The following TMEM50B variants were observed in gnomAD, a reference collection of about 807,000 sequenced individuals.
TMEM50B encodes the protein transmembrane protein 50B.
In TMEM50B, 14 loss-of-function variants were observed where a neutral mutation model predicts 23.4. That is an observed-to-expected ratio of 0.60 (90% CI 0.39 to 0.93). The LOEUF (loss-of-function observed/expected upper bound fraction) is 0.93, where lower values mean the gene tolerates loss of function less well. TMEM50B is among the 40% of genes least tolerant of loss of function. The pLI is 0.00. For missense variants in TMEM50B, 159 were observed against 193.0 expected (o/e 0.82, Z 1.04); for synonymous variants, 64 against 62.3 (o/e 1.03, Z -0.13).
intron 5 of TMEM50B, among the ~76,000 whole-genome samples, chr21:33,458,144 A>G (rs939083567): frequency 6.6e-6 from 1 of 152,214 alleles, no homozygotes; most frequent in African/African-American, 2.4e-5. Context: ...TTTCTTTAAC[A>G]TAACTATGGA....
chr21:33,455,391 GC>G (rs2084160056), intron 6 of TMEM50B, among the ~76,000 whole-genome samples: 1 of 151,974 alleles, frequency 6.6e-6, no homozygotes, highest in African/African-American at 2.4e-5. Context: ...TTGCCATGTT[GC>G]CCAGGCTGGT....
chr21:33,447,892 T>C (rs1193505175), downstream of TMEM50B, among the ~76,000 whole-genome samples: 3 of 152,226 alleles, frequency 2.0e-5, no homozygotes, highest in South Asian at 4.1e-4. Flanking sequence ...TTGAGAACCT[T>C]AGTAAGGGAA....
intron 8 of TMEM50B, chr21:33,437,206 T>C: frequency 2.0e-6 from 1 of 496,678 alleles, no homozygotes; most frequent in South Asian, 2.2e-5. Flanking sequence ...AATTAAGGCT[T>C]CTCTTAAACA....
At chr21:33,459,494 T>C (rs576024208) in intron 5 of TMEM50B, among the ~76,000 whole-genome samples, 3 of 151,824 alleles carry the variant, frequency 2.0e-5, no homozygotes, top group Admixed American at 1.3e-4. Flanking sequence ...GGTGAAACCC[T>C]GTCTCTACTA....
At chr21:33,462,535 A>C (rs73195845) in intron 4 of TMEM50B, among the ~76,000 whole-genome samples, 5,246 of 152,254 alleles carry the variant, frequency 0.034, 137 homozygotes, top group Non-Finnish European at 0.056. Context: ...GGCCAGGCAC[A>C]GTGGCTTACA....
intron 6 of TMEM50B, among the ~76,000 whole-genome samples, chr21:33,451,201 AT>A (rs2084116707): frequency 6.6e-6 from 1 of 152,222 alleles, no homozygotes; most frequent in South Asian, 2.1e-4. Context: ...AGTGACAGGC[AT>A]TAGGGCCATT....
In TMEM50B at chr21:33,467,223, G is replaced by A. The variant is rs75398504; in HGVS notation, c.100-101C>T. 1,464 of 1,079,220 alleles carry A rather than the reference G, an allele frequency of 1.4e-3. 3 individuals carry two copies. Among genetic ancestry groups the A allele is most frequent in the Middle Eastern group, 4.0e-3 (20 of 4,970 alleles). The allele number at this position is 1,079,220 out of a possible 1,614,324, so 66.9% of individuals were successfully genotyped here. A position where few individuals can be genotyped will look rare whatever the true frequency, so the allele number is the denominator to read the frequency against. Reference sequence around the variant, plus strand: ...TCCTACAGATCATATAAATGGGCTGGGTACAGAGGCTCACGCCTGTAATCC... The same window carrying A: ...TCCTACAGATCATATAAATGGGCTGAGTACAGAGGCTCACGCCTGTAATCC... On this transcript the variant is annotated intron_variant, in intron 2 of 6. Transcript: ENST00000542230.
chr21:33,456,001 T>C lies in TMEM50B; in HGVS notation c.374-217A>G, dbSNP rs117978073. 1,928 of 700,370 alleles carry C rather than the reference T, an allele frequency of 2.8e-3. 5 individuals are homozygous for C. Among genetic ancestry groups the C allele is most frequent in the Non-Finnish European group, 4.0e-3 (1,494 of 374,988 alleles). The allele number at this position is 700,370 out of a possible 1,614,324, so 43.4% of individuals were successfully genotyped here. On this transcript the variant is annotated intron_variant, in intron 5 of 6. Transcript: ENST00000542230. ...TACTCTGGATAAAAGTCAATGAACT[T>C]ACAAAGTTTTCTTTTAGTCAAAGTA...
chr21:33,447,340 T>TAGTCCTACCTACTC (rs11273486), downstream of TMEM50B, among the ~76,000 whole-genome samples: 2 of 151,162 alleles, frequency 1.3e-5, no homozygotes, highest in Non-Finnish European at 2.9e-5. Context: ...TGCACACCTA[T>TAGTCCTACCTACTC]AGTAGACTGA....
rs987999016 is a variant in TMEM50B, at chr21:33,449,774, A to G, written c.*1044T>C. The G allele has an allele frequency of 1.3e-5, 2 of 152,634 alleles. No individual in the cohort carries two copies. The highest frequency in any genetic ancestry group is 1.9e-4 in the East Asian group (1 of 5,200). 9.5% of individuals were successfully genotyped at this position (152,634 alleles called of 1,614,324 possible). Reference sequence around the variant, plus strand: ...ATGCTTTTAAACTGCGATTGTCTCAAACTTGCTTGCTATTGAATTGTGTAA... The same window carrying G: ...ATGCTTTTAAACTGCGATTGTCTCAGACTTGCTTGCTATTGAATTGTGTAA... On this transcript the variant is annotated 3_prime_UTR_variant, in exon 7 of 7. Coordinates refer to ENST00000542230, the MANE Select transcript of TMEM50B (RefSeq NM_006134.7).
Position 33,478,769 on chromosome 21 carries a change from T to C in TMEM50B, c.-42+1069A>G, listed in dbSNP as rs565926386. On this transcript the variant is annotated intron_variant, in intron 1 of 6. Transcript: ENST00000542230. The stretch of plus-strand genomic sequence containing the variant: ...TCTTCAGTTTAAAAAAAAAGTTTAA[T>C]GTTTGCTCTACGTTTGAAATGCATG... The C allele has an allele frequency of 4.6e-4, 215 of 470,902 alleles. 2 individuals carry two copies. The Middle Eastern group carries it at 5.9e-3, about 13-fold the overall frequency. 29.2% of individuals were successfully genotyped at this position (470,902 alleles called of 1,614,324 possible). A position where few individuals can be genotyped will look rare whatever the true frequency, so the allele number is the denominator to read the frequency against.
chr21:33,477,331 G>A (rs1200661007), intron 1 of TMEM50B, among the ~76,000 whole-genome samples: 1 of 151,918 alleles, frequency 6.6e-6, no homozygotes, highest in African/African-American at 2.4e-5. Context: ...AGGTCTCCAC[G>A]TGCTTATGAA....
At chr21:33,435,166 C>T (rs369031008) in intron 8 of TMEM50B, among the ~76,000 whole-genome samples, 1 of 152,168 alleles carries the variant, frequency 6.6e-6, no homozygotes, top group East Asian at 1.9e-4. Flanking sequence ...AAGCCTAAAG[C>T]CTGCGGGAGC....
At position 33,473,819 on chromosome 21, in the gene TMEM50B, T is replaced by C. The variant is rs1249495637; in HGVS notation, c.-41-4893A>G. Among the ~76,000 whole-genome samples, 59 of 152,264 alleles carry C rather than the reference T, an allele frequency of 3.9e-4. 1 individual carries two copies. The highest frequency in any genetic ancestry group is 3.7e-3 in the Admixed American group (57 of 15,280). On this transcript the variant is annotated intron_variant, in intron 1 of 6. Transcript: ENST00000542230. The stretch of plus-strand genomic sequence containing the variant: ...CATCAACGAATGGATAAATAAAACA[T>C]AGCACATCCATACAACGAAATACAA...
chr21:33,460,688 A>G (rs2084209983), intron 4 of TMEM50B, among the ~76,000 whole-genome samples, 183 bp from the exon 5 acceptor site: 1 of 152,130 alleles, frequency 6.6e-6, no homozygotes, highest in Non-Finnish European at 1.5e-5. Flanking sequence ...CACTAAAAGA[A>G]GTTAAACCAT....
chr21:33,442,542 G>A (rs539813376), intron 7 of TMEM50B, among the ~76,000 whole-genome samples: 3 of 152,172 alleles, frequency 2.0e-5, no homozygotes, highest in East Asian at 1.9e-4. Context: ...TAGCTTCTCT[G>A]GGCCCCTCAG....
At chr21:33,444,979 AATT>A (rs1461796435), downstream of TMEM50B, among the ~76,000 whole-genome samples, 1 of 151,464 alleles carries the variant, frequency 6.6e-6, no homozygotes, top group African/African-American at 2.4e-5. Context: ...AAACATTAAC[AATT>A]AGCCAGGATG....
In TMEM50B at chr21:33,463,464, C is replaced by T. The variant is rs73195846; in HGVS notation, c.280+1878G>A. On this transcript the variant is annotated intron_variant, in intron 4 of 6. Coordinates refer to ENST00000542230, the MANE Select transcript of TMEM50B (RefSeq NM_006134.7). ...ATCATAGAAAGTAGATCAGTAGTGGCCACGAGGTGAGGGGAAGAGTATTAA... is the reference window on the plus strand; with the variant it reads ...ATCATAGAAAGTAGATCAGTAGTGGTCACGAGGTGAGGGGAAGAGTATTAA... 5.5e-3 allele frequency among the ~76,000 whole-genome samples: 837 copies of T among 152,072 alleles called. 10 individuals are homozygous for T. Among genetic ancestry groups the T allele is most frequent in the Non-Finnish European group, 7.1e-3 (482 of 67,986 alleles).
chr21:33,437,106 G>T, intron 8 of TMEM50B: 1 of 691,826 alleles, frequency 1.4e-6, no homozygotes, highest in East Asian at 2.7e-5. Flanking sequence ...AGAGACAGCA[G>T]GTCTCATGGG....
Sources: allele counts gnomAD v4.1 joint callset (sites outside exome capture counted in the v4.1 genomes callset), GRCh38; gene constraint gnomAD v4.1.1; transcripts MANE v1.5; gene names NCBI Gene and HGNC (gene_info 2026-07-23, HGNC 2026-07-21).